Variants in NRG1 observed in about 807,000 individuals in gnomAD.
NRG1 encodes neuregulin 1.
NRG1 carries 18 observed loss-of-function variants against 63.8 expected under a neutral mutation model. The ratio of observed to expected loss-of-function variants is 0.28; its 90% CI spans 0.19 to 0.42. The LOEUF is 0.42. Among genes scored for constraint, NRG1 ranks in the 10% least tolerant of loss-of-function variants. NRG1 has a pLI of 1.00. For missense variants in NRG1, 762 were observed against 814.7 expected (o/e 0.94, Z 0.79); for synonymous variants, 302 against 301.3 (o/e 1.00, Z -0.02).
chr8:32,517,165 C>A (rs1829906104), intron 1 of NRG1, among the ~76,000 whole-genome samples: 1 of 152,038 alleles, frequency 6.6e-6, no homozygotes, highest in Admixed American at 6.6e-5. Context: ...ATGGCTGGAG[C>A]CTAAGTGAGT....
In NRG1 at chr8:31,865,633, G is replaced by A. The variant is rs917436528; in HGVS notation, c.37+226202G>A. On this transcript the variant is annotated intron_variant, in intron 1 of 10. Coordinates refer to the NRG1 transcript ENST00000519301. ...ATAACAGGGTTTTCCTCCTTTGCTC[G>A]GCACTTCTTCCTGCCGCCATGTGAA... 3.3e-5 allele frequency among the ~76,000 whole-genome samples: 5 copies of A among 152,058 alleles called. No homozygotes were observed. In the East Asian group the frequency reaches 5.8e-4, roughly 18 times the overall value.
chr8:31,639,796 T>C, intron 1 of NRG1: 1 of 1,252,470 alleles, frequency 8.0e-7, no homozygotes. Context: ...TGTGGTTCCA[T>C]CCACTTCTTC....
chr8:31,726,017 A>C (rs1813399293), intron 1 of NRG1, among the ~76,000 whole-genome samples: 1 of 152,282 alleles, frequency 6.6e-6, no homozygotes. Flanking sequence ...CAATATTTGG[A>C]GATTGCTACA....
At chr8:31,744,317 T>G (rs1004559849) in intron 1 of NRG1, among the ~76,000 whole-genome samples, 1 of 152,044 alleles carries the variant, frequency 6.6e-6, no homozygotes, top group Non-Finnish European at 1.5e-5. Context: ...TGCTTCATGA[T>G]ACGCTGTGCC....
At chr8:32,520,745 A>G (rs893108960) in intron 1 of NRG1, among the ~76,000 whole-genome samples, 1 of 152,212 alleles carries the variant, frequency 6.6e-6, no homozygotes, top group Admixed American at 6.5e-5. Flanking sequence ...GTCTGAAAAT[A>G]TTAGATAAAA....
intron 1 of NRG1, among the ~76,000 whole-genome samples, chr8:32,315,329 T>C (rs889408110): frequency 6.6e-6 from 1 of 152,216 alleles, no homozygotes; most frequent in Non-Finnish European, 1.5e-5. Flanking sequence ...AGTGAGAACA[T>C]GCTGAGTTTG....
intron 1 of NRG1, among the ~76,000 whole-genome samples, chr8:32,483,514 C>A (rs1290762254): frequency 6.6e-6 from 1 of 152,218 alleles, no homozygotes; most frequent in Non-Finnish European, 1.5e-5. Context: ...ACTACTTCAA[C>A]TTCTTGTGCT....
exon 12 of NRG1, chr8:32,766,886 A>G (rs898726133): frequency 3.9e-5 from 6 of 152,128 alleles, no homozygotes; most frequent in African/African-American, 1.4e-4. Flanking sequence ...TGCTTGTCAC[A>G]TCACTCTTGA....
At chr8:32,450,616 A>G (rs1820833979) in intron 1 of NRG1, among the ~76,000 whole-genome samples, 1 of 152,026 alleles carries the variant, frequency 6.6e-6, no homozygotes, top group South Asian at 2.1e-4. Context: ...GAGTTTCACC[A>G]TGTTGCCCAG....
chr8:32,282,926 GTTGC>G (rs1037418921), intron 1 of NRG1, among the ~76,000 whole-genome samples: 30 of 152,192 alleles, frequency 2.0e-4, no homozygotes, highest in African/African-American at 7.2e-4. Context: ...GGCATTTGGT[GTTGC>G]TTAGATGTAC....
intron 1 of NRG1, among the ~76,000 whole-genome samples, chr8:31,659,436 G>C (rs1805750232): frequency 6.6e-6 from 1 of 152,164 alleles, no homozygotes; most frequent in Non-Finnish European, 1.5e-5. Flanking sequence ...CATGCGACAA[G>C]AGGTGATGCA....
chr8:32,296,121 G>A (rs983487405), intron 1 of NRG1, among the ~76,000 whole-genome samples: 4 of 152,172 alleles, frequency 2.6e-5, no homozygotes, highest in Non-Finnish European at 4.4e-5. Context: ...GGAGCTCCTG[G>A]ACAAAACATG....
At position 32,157,987 on chromosome 8, in the gene NRG1, C is replaced by T. The variant is rs1393777680; in HGVS notation, c.38-437841C>T. ...CTTTCCACTTTCCCAAACTCTGTCC[C>T]GGGATGCTGACATGAACCACGTCAA... On this transcript the variant is annotated intron_variant, in intron 1 of 10. Transcript: ENST00000519301. Among the ~76,000 whole-genome samples, 3 of 152,264 alleles carry T rather than the reference C, an allele frequency of 2.0e-5. No individual in the cohort carries two copies. The South Asian group carries it at 6.2e-4, about 32-fold the overall frequency.
rs962498777 is a variant in NRG1, at chr8:32,648,108, T to G, written c.502+31223T>G. On this transcript the variant is annotated intron_variant, in intron 5 of 11. Coordinates refer to ENST00000356819, the Ensembl canonical transcript of NRG1. ...TATTTCTCTGGACGCAACTGCTGCC[T>G]CAGCTGTGTGGGTGTCGTCTGAGGC... The G allele has an allele frequency of 1.4e-5, 23 of 1,614,034 alleles. No homozygotes were observed. In the African/African-American group the frequency reaches 2.3e-4, roughly 16 times the overall value.
intron 1 of NRG1, among the ~76,000 whole-genome samples, chr8:31,954,011 A>G (rs576161633): frequency 6.6e-6 from 1 of 152,320 alleles, no homozygotes; most frequent in East Asian, 1.9e-4. Context: ...CTGTCTGTTA[A>G]ATAGCTGGAC....
In NRG1 at chr8:32,131,190, C is replaced by T. The variant is rs1393163051; in HGVS notation, c.38-464638C>T. Among the ~76,000 whole-genome samples the T allele has an allele frequency of 5.3e-5, 8 of 151,892 alleles. No homozygotes were observed. In the East Asian group the frequency reaches 1.6e-3, roughly 29 times the overall value. The stretch of plus-strand genomic sequence containing the variant: ...TAAGTGTATTTGCTGGGCATGGTTC[C>T]CAGTTATGAAATATTAATACCTTGA... On this transcript the variant is annotated intron_variant, in intron 1 of 10. Coordinates refer to the NRG1 transcript ENST00000519301.
intron 1 of NRG1, among the ~76,000 whole-genome samples, chr8:31,974,118 T>C (rs1807768416): frequency 6.6e-6 from 1 of 152,158 alleles, no homozygotes; most frequent in Non-Finnish European, 1.5e-5. Context: ...ATATGAGTCT[T>C]CATGTTCATA....
chr8:32,457,453 T>C (rs1459337625), intron 1 of NRG1, among the ~76,000 whole-genome samples: 2 of 152,198 alleles, frequency 1.3e-5, no homozygotes, highest in African/African-American at 4.8e-5. Context: ...TTCCACCCTG[T>C]CACTGATTTT....
chr8:32,506,707 TG>T (rs1439155082), intron 1 of NRG1, among the ~76,000 whole-genome samples: 1 of 151,544 alleles, frequency 6.6e-6, no homozygotes, highest in African/African-American at 2.4e-5. Flanking sequence ...GCAGAAATCT[TG>T]GGGGGTATGT....
Sources: allele counts gnomAD v4.1 joint callset (sites outside exome capture counted in the v4.1 genomes callset), GRCh38; gene constraint gnomAD v4.1.1; transcripts MANE v1.5; gene names NCBI Gene and HGNC (gene_info 2026-07-23, HGNC 2026-07-21).